Variants in TUSC3 observed in about 807,000 individuals in gnomAD.
TUSC3 encodes tumor suppressor candidate 3.
A neutral mutation model predicts 44.8 loss-of-function variants in TUSC3; 45 were observed. The ratio of observed to expected loss-of-function variants is 1.00; its 90% CI spans 0.79 to 1.29. The LOEUF is 1.29. Among genes scored for constraint, TUSC3 ranks in the 50% most tolerant of loss-of-function variants. The probability of loss-of-function intolerance (pLI) is 0.00; values close to 1 mark genes in which losing one functional copy is unlikely to be tolerated. For synonymous variants in TUSC3, 212 were observed against 152.9 expected, an observed-to-expected ratio of 1.39 and a Z score of -2.85; for missense variants, 519 against 437.9, an observed-to-expected ratio of 1.19 and a Z score of -1.65.
chr8:15,418,797 G>A (rs1799690926), intron 1 of TUSC3, among the ~76,000 whole-genome samples: 1 of 152,192 alleles, frequency 6.6e-6, no homozygotes, highest in African/African-American at 2.4e-5. Flanking sequence ...CTTGAAGTCA[G>A]CAGTTCAAGA....
chr8:15,659,762 A>G (rs747077947), intron 4 of TUSC3, 115 bp downstream of exon 4: 67 of 1,407,948 alleles, frequency 4.8e-5, no homozygotes, highest in Non-Finnish European at 5.8e-5. Context: ...TTCTCCTTGC[A>G]TAGAGAAAAC....
chr8:15,530,247 C>G (rs1057085066), intron 2 of TUSC3, among the ~76,000 whole-genome samples: 1 of 152,014 alleles, frequency 6.6e-6, no homozygotes, highest in African/African-American at 2.4e-5. Context: ...AAAGGAAACA[C>G]ACTGAATATC....
At chr8:15,618,799 T>A (rs978565621) in intron 1 of TUSC3, among the ~76,000 whole-genome samples, 2 of 152,242 alleles carry the variant, frequency 1.3e-5, no homozygotes, top group African/African-American at 4.8e-5. Context: ...TAGCTTTGTT[T>A]ACACCAGCAT....
chr8:15,760,860 TC>T (rs1219271976), intron 10 of TUSC3, among the ~76,000 whole-genome samples: 8 of 152,178 alleles, frequency 5.3e-5, no homozygotes, highest in Non-Finnish European at 1.0e-4. Flanking sequence ...CCTTTCCTCA[TC>T]CAGTTTCTTC....
the TUSC3 span, among the ~76,000 whole-genome samples, chr8:15,815,797 G>C: frequency 6.6e-6 from 1 of 152,120 alleles, no homozygotes; most frequent in African/African-American, 2.4e-5. Context: ...CTTGCAGACA[G>C]TATCACTAAA....
chr8:15,691,096 G>T (rs779990653), intron 6 of TUSC3, among the ~76,000 whole-genome samples: 1 of 151,876 alleles, frequency 6.6e-6, no homozygotes, highest in South Asian at 2.1e-4. Flanking sequence ...GCTTTGGGCA[G>T]TGTGGCCATT....
intron 1 of TUSC3, among the ~76,000 whole-genome samples, chr8:15,561,926 C>G (rs551523903): frequency 6.6e-6 from 1 of 152,308 alleles, no homozygotes; most frequent in South Asian, 2.1e-4. Flanking sequence ...GTGAGATGAA[C>G]CCGGTACCTC....
At chr8:15,723,291 G>T (rs1810376255) in intron 6 of TUSC3, among the ~76,000 whole-genome samples, 1 of 152,174 alleles carries the variant, frequency 6.6e-6, no homozygotes, top group East Asian at 1.9e-4. Flanking sequence ...AGTGAAAAGA[G>T]AATGGTGGCT....
chr8:15,469,729 A>G (rs1186853990), intron 1 of TUSC3, among the ~76,000 whole-genome samples: 2 of 152,252 alleles, frequency 1.3e-5, no homozygotes, highest in South Asian at 2.1e-4. Context: ...ACAATTTCCA[A>G]TACTTGGAAG....
chr8:15,652,727 A>C (rs1407893294), intron 3 of TUSC3, among the ~76,000 whole-genome samples: 1 of 152,160 alleles, frequency 6.6e-6, no homozygotes, highest in Non-Finnish European at 1.5e-5. Context: ...AGAGATCATC[A>C]GATAGAAGTG....
chr8:15,592,913 C>T (rs771417570), intron 1 of TUSC3, among the ~76,000 whole-genome samples: 1 of 152,120 alleles, frequency 6.6e-6, no homozygotes, highest in African/African-American at 2.4e-5. Context: ...CATCAGGACT[C>T]AAACTCAGGC....
intron 1 of TUSC3, among the ~76,000 whole-genome samples, chr8:15,600,557 G>A (rs910462088): frequency 6.6e-6 from 1 of 151,674 alleles, no homozygotes; most frequent in East Asian, 1.9e-4. Flanking sequence ...TTTTATTCTT[G>A]TTTGCTTTGT....
At chr8:15,844,478 A>G in the TUSC3 span, among the ~76,000 whole-genome samples, 1 of 152,176 alleles carries the variant, frequency 6.6e-6, no homozygotes, top group African/African-American at 2.4e-5. Context: ...ACGGAGAACA[A>G]AAGAGTTATG....
chr8:15,463,520 T>G (rs1004179820), intron 1 of TUSC3, among the ~76,000 whole-genome samples: 1 of 152,148 alleles, frequency 6.6e-6, no homozygotes, highest in African/African-American at 2.4e-5. Context: ...GTGCTCTTAA[T>G]GAGAAAGCAT....
Position 15,482,777 on chromosome 8 carries a change from C to G in TUSC3, n.92-609C>G, listed in dbSNP as rs924139967. Among the ~76,000 whole-genome samples, 6 of 152,136 alleles carry G rather than the reference C, an allele frequency of 3.9e-5. No homozygotes were observed. In the South Asian group the frequency reaches 6.2e-4, roughly 16 times the overall value. On this transcript the variant is annotated intron_variant and non_coding_transcript_variant, in intron 1 of 5. Transcript: ENST00000503191. Reference sequence around the variant, plus strand: ...AGCAAATCTGTATATACAGAAATTCCTATGAATGGGAAAAAATAGGAAAAA... The same window carrying G: ...AGCAAATCTGTATATACAGAAATTCGTATGAATGGGAAAAAATAGGAAAAA...
At position 15,766,598 on chromosome 8, in the gene TUSC3, C is replaced by T. The variant is rs1486667197; in HGVS notation, c.*2442C>T. On this transcript the variant is annotated 3_prime_UTR_variant, in exon 11 of 11. Coordinates refer to ENST00000503731, the MANE Select transcript of TUSC3 (RefSeq NM_006765.4). ...CTGATTAATAACTTGTTGCATTTTG[C>T]TTAACATACTGTTCCTGGCATTAGA... 2 of 152,074 alleles carry T rather than the reference C, an allele frequency of 1.3e-5. No homozygotes were observed. Among genetic ancestry groups the T allele is most frequent in the African/African-American group, 4.8e-5 (2 of 41,432 alleles). 9.4% of individuals were successfully genotyped at this position (152,074 alleles called of 1,614,324 possible).
chr8:15,482,647 C>G (rs1341458777), intron 1 of TUSC3, among the ~76,000 whole-genome samples: 1 of 152,086 alleles, frequency 6.6e-6, no homozygotes, highest in Non-Finnish European at 1.5e-5. Context: ...GGCCATAGAT[C>G]AAAGAGTAAT....
intron 6 of TUSC3, among the ~76,000 whole-genome samples, chr8:15,713,952 A>C (rs1175328713): frequency 6.6e-6 from 1 of 152,182 alleles, no homozygotes; most frequent in Non-Finnish European, 1.5e-5. Context: ...TCATTTGAAA[A>C]GTACTTAAGC....
chr8:15,687,986 GA>G (rs963825605), intron 6 of TUSC3, among the ~76,000 whole-genome samples: 4 of 151,976 alleles, frequency 2.6e-5, no homozygotes, highest in African/African-American at 7.2e-5. Flanking sequence ...TGAGTATCAA[GA>G]AGAAATATTA....
Sources: gnomAD v4.1 joint callset for allele counts (sites outside exome capture counted in the v4.1 genomes callset) on GRCh38, gnomAD v4.1.1 for gene constraint, MANE v1.5 for transcripts, NCBI Gene and HGNC (gene_info 2026-07-23, HGNC 2026-07-21) for gene names.